The following MINDY4 variants were observed in gnomAD, a reference collection of about 807,000 sequenced individuals.
The protein encoded by MINDY4 is probable ubiquitin carboxyl-terminal hydrolase MINDY-4.
In MINDY4, 68 loss-of-function variants were observed where a neutral mutation model predicts 87.0. That is an observed-to-expected ratio of 0.78 (90% CI 0.64 to 0.96). The LOEUF (loss-of-function observed/expected upper bound fraction) is 0.96, where lower values mean the gene tolerates loss of function less well. MINDY4 is among the 40% of genes least tolerant of loss of function. The pLI is 0.00. For synonymous variants in MINDY4, 379 were observed against 363.2 expected, an observed-to-expected ratio of 1.04 and a Z score of -0.50; for missense variants, 919 against 928.2, an observed-to-expected ratio of 0.99 and a Z score of 0.13.
chr7:30,875,494 G>A lies in MINDY4; in HGVS notation c.1810-1G>A. The stretch of plus-strand genomic sequence containing the variant: ...GTCTTTCCCCTTTCTCTCATCTGCA[G>A]GAACTTGTCAATCTGCTCCTGACTG... On this transcript the variant is annotated splice_acceptor_variant, in intron 14 of 17. Coordinates refer to ENST00000265299, the MANE Select transcript of MINDY4 (RefSeq NM_032222.3). LOFTEE classifies it high-confidence loss of function. The A allele has an allele frequency of 6.2e-7, 1 of 1,614,184 alleles. No individual in the cohort carries two copies. The highest frequency in any genetic ancestry group is 8.5e-7 in the Non-Finnish European group (1 of 1,180,026).
intron 5 of MINDY4, among the ~76,000 whole-genome samples, chr7:30,799,865 A>T (rs1199172883): frequency 6.6e-6 from 1 of 152,208 alleles, no homozygotes; most frequent in Non-Finnish European, 1.5e-5. Flanking sequence ...GAAGGAGCTC[A>T]GCAAAGGTGT....
chr7:30,852,829 TTTAACAAA>T (rs1276030003), intron 11 of MINDY4, among the ~76,000 whole-genome samples: 1 of 152,260 alleles, frequency 6.6e-6, no homozygotes, highest in Non-Finnish European at 1.5e-5. Flanking sequence ...GAATTTTTGT[TTTAACAAA>T]TTAGTTTCAT....
intron 6 of MINDY4, among the ~76,000 whole-genome samples, chr7:30,834,104 A>G (rs1788788848): frequency 6.6e-6 from 1 of 152,142 alleles, no homozygotes; most frequent in African/African-American, 2.4e-5. Flanking sequence ...TCACAGCTCC[A>G]CTAGGTGGTG....
chr7:30,853,921 A>G (rs1372004240), intron 12 of MINDY4, among the ~76,000 whole-genome samples: 1 of 152,112 alleles, frequency 6.6e-6, no homozygotes, highest in Admixed American at 6.5e-5. Flanking sequence ...AGTGTGATAC[A>G]CACCTTGATT....
intron 4 of MINDY4, chr7:30,786,737 T>C (rs1235973374): frequency 6.6e-6 from 1 of 152,168 alleles, no homozygotes; most frequent in African/African-American, 2.4e-5. Context: ...TTTATTCTGC[T>C]TTTATTTTTT....
chr7:30,816,616 C>G (rs1306705769), intron 5 of MINDY4, among the ~76,000 whole-genome samples: 9 of 151,854 alleles, frequency 5.9e-5, no homozygotes, highest in South Asian at 2.1e-4. Flanking sequence ...CTCCCGCCCC[C>G]CTGCCTCCCA....
chr7:30,827,880 T>G (rs1245895241), intron 5 of MINDY4, among the ~76,000 whole-genome samples: 1 of 152,218 alleles, frequency 6.6e-6, no homozygotes, highest in East Asian at 1.9e-4. Flanking sequence ...GAAAATATAT[T>G]TCAATGCCAC....
intron 5 of MINDY4, among the ~76,000 whole-genome samples, chr7:30,808,814 C>T (rs995256358): frequency 8.6e-5 from 13 of 151,942 alleles, no homozygotes; most frequent in African/African-American, 2.4e-4. Flanking sequence ...GCCCCGTCGT[C>T]GGCCCTCCCC....
chr7:30,866,701 C>A (rs948774542), intron 13 of MINDY4, among the ~76,000 whole-genome samples: 1 of 152,152 alleles, frequency 6.6e-6, no homozygotes, highest in African/African-American at 2.4e-5. Flanking sequence ...GCAGCAAGAA[C>A]AAAGCAGGCA....
At chr7:30,778,395 T>A (rs1418359735) in intron 1 of MINDY4, 37 bp from the exon 2 acceptor site, 1 of 1,613,792 alleles carries the variant, frequency 6.2e-7, no homozygotes, top group South Asian at 1.1e-5. Context: ...GGTTTTGATT[T>A]AAGATGGTAA....
At chr7:30,850,233 C>T (rs1219103871) in intron 9 of MINDY4, among the ~76,000 whole-genome samples, 1 of 152,242 alleles carries the variant, frequency 6.6e-6, no homozygotes, top group Non-Finnish European at 1.5e-5. Context: ...CAGCCCCACC[C>T]AGGGCCTCCC....
In MINDY4 at chr7:30,882,372, T is replaced by TCCCCCCCCCCCCCCCCC. The variant is rs1389430858; in HGVS notation, c.2152+12_2152+13insCCCCCCCCCCCCCCCCC. The TCCCCCCCCCCCCCCCCC allele has an allele frequency of 6.6e-7, 1 of 1,521,452 alleles. No individual in the cohort carries two copies. The highest frequency in any genetic ancestry group is 8.9e-7 in the Non-Finnish European group (1 of 1,127,518). 94.2% of individuals were successfully genotyped at this position (1,521,452 alleles called of 1,614,324 possible). A position where few individuals can be genotyped will look rare whatever the true frequency, so the allele number is the denominator to read the frequency against. The stretch of plus-strand genomic sequence containing the variant: ...TCCGGCTGACCATTGGTGCGGGCCC[T>TCCCCCCCCCCCCCCCCC]CACCCCCCCACCCACCCAACCCTGT... On this transcript the variant is annotated intron_variant, in intron 16 of 17. Transcript: ENST00000265299.
At chr7:30,808,929 CAAG>C (rs1290872280) in intron 5 of MINDY4, among the ~76,000 whole-genome samples, 1 of 129,286 alleles carries the variant, frequency 7.7e-6, no homozygotes, top group Admixed American at 8.0e-5. Context: ...AAGAGGGAGT[CAAG>C]GAGAGAGAGA....
Position 30,861,915 on chromosome 7 carries a change from G to A in MINDY4, c.1745+2591G>A, listed in dbSNP as rs149089362. Among the ~76,000 whole-genome samples the A allele has an allele frequency of 8.1e-4, 124 of 152,370 alleles. 1 individual carries two copies. The highest frequency in any genetic ancestry group is 2.8e-3 in the African/African-American group (117 of 41,596). ...GCAGGCATGTCCAGAGCAACCGAGA[G>A]CATCTTGTGCTGAGTGCCACTGGGG... is the stretch of plus-strand genomic sequence containing the variant. On this transcript the variant is annotated intron_variant, in intron 13 of 17. Transcript: ENST00000265299.
chr7:30,875,512 C>G lies in MINDY4; in HGVS notation c.1827C>G (p.Leu609=). 6.2e-7 allele frequency: 1 copy of G among 1,614,212 alleles called. No individual in the cohort carries two copies. Among genetic ancestry groups the G allele is most frequent in the East Asian group, 2.2e-5 (1 of 44,892 alleles). The change falls in exon 15 of 18, where the codon CTC becomes CTG. Residue 609 remains leucine, a synonymous_variant. Transcript: ENST00000265299. The part of the protein sequence containing the change: ...GYCTQELVNL[L]LTGKAVSNVF... ...ATCTGCAGGAACTTGTCAATCTGCTCCTGACTGGGAAAGCTGTGTCCAACG... is the reference window on the plus strand; with the variant it reads ...ATCTGCAGGAACTTGTCAATCTGCTGCTGACTGGGAAAGCTGTGTCCAACG...
At chr7:30,889,278 G>A (rs888803546) in intron 17 of MINDY4, among the ~76,000 whole-genome samples, 1 of 152,190 alleles carries the variant, frequency 6.6e-6, no homozygotes, top group Non-Finnish European at 1.5e-5. Context: ...TCATCGTGTT[G>A]CTGCAGATTG....
intron 5 of MINDY4, among the ~76,000 whole-genome samples, chr7:30,806,301 A>C (rs1364303430): frequency 1.3e-5 from 2 of 152,184 alleles, no homozygotes; most frequent in Admixed American, 6.5e-5. Flanking sequence ...TTTGGGTGCA[A>C]ATCCTAGCTC....
chr7:30,812,023 ATTC>A (rs1788014916), intron 5 of MINDY4, among the ~76,000 whole-genome samples: 1 of 152,192 alleles, frequency 6.6e-6, no homozygotes, highest in Admixed American at 6.5e-5. Flanking sequence ...CTGATTTATT[ATTC>A]TTCTTTTTAA....
intron 13 of MINDY4, among the ~76,000 whole-genome samples, chr7:30,866,244 A>T (rs148389073): frequency 2.3e-3 from 357 of 152,310 alleles, no homozygotes; most frequent in African/African-American, 8.0e-3. Flanking sequence ...TCACCCAGGG[A>T]CCTTACATGT....
Sources: allele counts gnomAD v4.1 joint callset (sites outside exome capture counted in the v4.1 genomes callset), GRCh38; gene constraint gnomAD v4.1.1; transcripts MANE v1.5; gene names NCBI Gene and HGNC (gene_info 2026-07-23, HGNC 2026-07-21).